DNAJA2: variants seen among roughly 807,000 people sequenced by gnomAD.
DNAJA2 encodes the protein DnaJ heat shock protein family (Hsp40) member A2.
In DNAJA2, 6 loss-of-function variants were observed where a neutral mutation model predicts 49.3. The ratio of observed to expected loss-of-function variants is 0.12; its 90% CI spans 0.07 to 0.24. DNAJA2 has a LOEUF of 0.24. Among genes scored for constraint, DNAJA2 ranks in the 10% least tolerant of loss-of-function variants. DNAJA2 has a pLI of 1.00. For missense variants in DNAJA2, 347 were observed against 516.8 expected, an observed-to-expected ratio of 0.67 and a Z score of 3.19; for synonymous variants, 160 against 172.7, an observed-to-expected ratio of 0.93 and a Z score of 0.58.
At chr16:46,966,261 A>G (rs1961968963) in intron 5 of DNAJA2, among the ~76,000 whole-genome samples, 1 of 152,160 alleles carries the variant, frequency 6.6e-6, no homozygotes, top group Non-Finnish European at 1.5e-5. Context: ...AAATAAAGTA[A>G]AATGCCAAGA....
chr16:46,963,615 T>C (rs957413729), intron 6 of DNAJA2, among the ~76,000 whole-genome samples: 1 of 151,778 alleles, frequency 6.6e-6, no homozygotes, highest in African/African-American at 2.4e-5. Flanking sequence ...ATGGGAGGAT[T>C]GCTTGGGCCC....
intron 5 of DNAJA2, 32 bp from the exon 6 acceptor site, chr16:46,964,839 A>G (rs769715492): frequency 1.3e-6 from 2 of 1,563,868 alleles, no homozygotes; most frequent in East Asian, 2.2e-5. Context: ...ACTTTCAGCA[A>G]GAGTACTATA....
intron 6 of DNAJA2, among the ~76,000 whole-genome samples, chr16:46,963,181 G>A (rs1418230116): frequency 6.6e-6 from 1 of 152,184 alleles, no homozygotes; most frequent in Non-Finnish European, 1.5e-5. Context: ...GTGATGTAAT[G>A]ATTTTCAGAG....
intron 5 of DNAJA2, among the ~76,000 whole-genome samples, chr16:46,966,578 G>A (rs1321330151): frequency 6.6e-6 from 1 of 152,202 alleles, no homozygotes; most frequent in Non-Finnish European, 1.5e-5. Flanking sequence ...TGGCAGGGGT[G>A]GGAGGAGCTA....
Position 46,971,377 on chromosome 16 carries a change from T to C in DNAJA2, c.334A>G (p.Arg112Gly), listed in dbSNP as rs1651815818. 1.9e-6 allele frequency: 3 copies of C among 1,613,702 alleles called. No homozygotes were observed. Among genetic ancestry groups the C allele is most frequent in the East Asian group, 2.2e-5 (1 of 44,892 alleles). Residue 112 changes from arginine to glycine, a missense_variant, in exon 3 of 9, where the codon AGA (arginine) becomes GGA (glycine). Transcript: ENST00000317089. ...AGTGGATGCATCATGTCCTCTCCTCTTCTTCTGCCATTTCGACTTCTACTC... is the reference window on the plus strand; with the variant it reads ...AGTGGATGCATCATGTCCTCTCCTCCTCTTCTGCCATTTCGACTTCTACTC... ...NQSRSRNGRRRGEDMMHPLKV... is the reference protein window; with the variant it reads ...NQSRSRNGRRGGEDMMHPLKV...
chr16:46,959,525 A>G, intron 6 of DNAJA2, 106 bp from the exon 7 acceptor site: 2 of 1,083,006 alleles, frequency 1.8e-6, no homozygotes, highest in Non-Finnish European at 2.7e-6. Context: ...TCTACCACTC[A>G]CTGCAAATCC....
chr16:46,967,678 T>C (rs1368250794), intron 4 of DNAJA2, 32 bp from the exon 5 acceptor site: 8 of 1,613,808 alleles, frequency 5.0e-6, no homozygotes, highest in Non-Finnish European at 5.9e-6. Context: ...CATTAGGTTT[T>C]TGTCCACAAA....
chr16:46,970,730 C>CAAAAAAAAAAA (rs10523905), intron 3 of DNAJA2, among the ~76,000 whole-genome samples: 4,758 of 32,118 alleles, frequency 0.15, 1,747 homozygotes, highest in Middle Eastern at 0.2. Flanking sequence ...GACTCCATTT[C>CAAAAAAAAAAA]AAAAAAAAAA....
At position 46,973,603 on chromosome 16, in the gene DNAJA2, G is replaced by A. The variant is rs1320833781; in HGVS notation, c.-31C>T. ...CCGGCCGGGCAGTGCTCGGGGAGAA[G>A]GTGGCGAAGCAGACAGAGCGGAGTC... On this transcript the variant is annotated 5_prime_UTR_variant, in exon 1 of 9. Coordinates refer to ENST00000317089, the MANE Select transcript of DNAJA2 (RefSeq NM_005880.4). 1.3e-6 allele frequency: 2 copies of A among 1,587,566 alleles called. No individual in the cohort carries two copies. Among genetic ancestry groups the A allele is most frequent in the Non-Finnish European group, 1.7e-6 (2 of 1,173,516 alleles).
At chr16:46,963,229 G>A (rs962416063) in intron 6 of DNAJA2, among the ~76,000 whole-genome samples, 2 of 152,206 alleles carry the variant, frequency 1.3e-5, no homozygotes, top group Admixed American at 6.5e-5. Flanking sequence ...CAAAGCTAGA[G>A]TCCTATCAAG....
intron 5 of DNAJA2, 131 bp from the exon 6 acceptor site, chr16:46,964,938 G>T: frequency 2.6e-6 from 2 of 764,888 alleles, no homozygotes; most frequent in Admixed American, 3.2e-5. Context: ...AGCATTCTGA[G>T]GCCAAGCACA....
intron 5 of DNAJA2, among the ~76,000 whole-genome samples, chr16:46,967,266 C>CT (rs985666503): frequency 1.3e-5 from 2 of 151,856 alleles, no homozygotes; most frequent in African/African-American, 2.4e-5. Context: ...TTTTTCCACA[C>CT]TTTTTTTTCC....
intron 6 of DNAJA2, among the ~76,000 whole-genome samples, chr16:46,960,991 A>G (rs1961888181): frequency 1.3e-5 from 2 of 151,992 alleles, no homozygotes; most frequent in Non-Finnish European, 2.9e-5. Flanking sequence ...TGGGAGACAG[A>G]AGGACATCCT....
At chr16:46,964,994 AG>A (rs1157840011) in intron 5 of DNAJA2, among the ~76,000 whole-genome samples, 187 bp from the exon 6 acceptor site, 1 of 152,136 alleles carries the variant, frequency 6.6e-6, no homozygotes, top group Non-Finnish European at 1.5e-5. Flanking sequence ...TCAGGGTGGT[AG>A]GATCACTTGA....
At chr16:46,968,267 CAG>C (rs749688280) in intron 3 of DNAJA2, 103 bp from the exon 4 acceptor site, 5 of 731,378 alleles carry the variant, frequency 6.8e-6, no homozygotes, top group Non-Finnish European at 1.1e-5. Context: ...ACTTTTAAAA[CAG>C]AATTCAAAAA....
rs1293910636 is a variant in DNAJA2 at position 46,956,328 on chromosome 16, T to C, written c.*701A>G. ...TTTTTATGGGCTGTTTAAGAACCAGTACTAAGGATACATTCTTTTATGTTT... is the reference window on the plus strand; with the variant it reads ...TTTTTATGGGCTGTTTAAGAACCAGCACTAAGGATACATTCTTTTATGTTT... On this transcript the variant is annotated 3_prime_UTR_variant, in exon 9 of 9. Transcript: ENST00000317089. 6.6e-6 allele frequency: 1 copy of C among 151,818 alleles called. No individual in the cohort carries two copies. The highest frequency in any genetic ancestry group is 2.4e-5 in the African/African-American group (1 of 41,316). The allele number at this position is 151,818 out of a possible 1,614,324, so 9.4% of individuals were successfully genotyped here.
chr16:46,962,945 A>G (rs1961920054), intron 6 of DNAJA2, among the ~76,000 whole-genome samples: 1 of 152,166 alleles, frequency 6.6e-6, no homozygotes, highest in Non-Finnish European at 1.5e-5. Context: ...TCTTAAAGTG[A>G]TTTTTAAAAT....
intron 6 of DNAJA2, among the ~76,000 whole-genome samples, 196 bp downstream of exon 6, chr16:46,964,415 T>C (rs1961940445): frequency 6.6e-6 from 1 of 152,110 alleles, no homozygotes; most frequent in Non-Finnish European, 1.5e-5. Flanking sequence ...AAACTGACTC[T>C]TACAGTGCTT....
rs763123369 is a variant in DNAJA2 at position 46,959,442 on chromosome 16, A to G, written c.775-23T>C. ...TACCTATAAATAAAGCACAAAAGAA[A>G]TACATTTTCTTAAAAATTATGGAGG... On this transcript the variant is annotated intron_variant, in intron 6 of 8. Coordinates refer to ENST00000317089, the MANE Select transcript of DNAJA2 (RefSeq NM_005880.4). The G allele has an allele frequency of 2.5e-6, 4 of 1,593,606 alleles. No homozygotes were observed. In the African/African-American group the frequency reaches 4.0e-5, roughly 16 times the overall value.
Sources: gnomAD v4.1 joint callset for allele counts (sites outside exome capture counted in the v4.1 genomes callset) on GRCh38, gnomAD v4.1.1 for gene constraint, MANE v1.5 for transcripts, NCBI Gene and HGNC (gene_info 2026-07-23, HGNC 2026-07-21) for gene names.